The following P2RX5 variants were observed in gnomAD, a reference collection of about 807,000 sequenced individuals.
P2RX5 encodes the protein P2X purinoceptor 5.
A neutral mutation model predicts 54.1 loss-of-function variants in P2RX5; 46 were observed. The observed-to-expected ratio is 0.85, with a 90% CI of 0.67 to 1.09. The LOEUF (loss-of-function observed/expected upper bound fraction) is 1.09. Among genes scored for constraint, P2RX5 ranks in the 50% least tolerant of loss-of-function variants. The pLI, the probability that P2RX5 is intolerant of heterozygous loss-of-function variation, is 0.00. For missense variants in P2RX5, 566 were observed against 549.8 expected (o/e 1.03, Z -0.29); for synonymous variants, 226 against 226.4 (o/e 1.00, Z 0.02).
the P2RX5 span, among the ~76,000 whole-genome samples, chr17:3,702,522 A>G: frequency 0.17 from 25,608 of 152,106 alleles, 2,589 homozygotes; most frequent in Non-Finnish European, 0.23. Context: ...CCTCTTCACA[A>G]TAAATCTTGC....
At chr17:3,684,342 G>A (rs2050372210) in intron 9 of P2RX5, among the ~76,000 whole-genome samples, 1 of 152,260 alleles carries the variant, frequency 6.6e-6, no homozygotes, top group Non-Finnish European at 1.5e-5. Flanking sequence ...GGTGGCTCAC[G>A]CCCATAATCC....
At chr17:3,713,299 G>A in the P2RX5 span, among the ~76,000 whole-genome samples, 1 of 152,110 alleles carries the variant, frequency 6.6e-6, no homozygotes, top group African/African-American at 2.4e-5. Context: ...GTTCAAGGCT[G>A]CAGCAACCTA....
the P2RX5 span, among the ~76,000 whole-genome samples, chr17:3,705,740 GT>G: frequency 6.6e-6 from 1 of 152,120 alleles, no homozygotes; most frequent in Non-Finnish European, 1.5e-5. Flanking sequence ...TATACTTGAA[GT>G]GTCTGGGGTA....
Position 3,689,485 on chromosome 17 carries a change from C to A in P2RX5, c.753+7G>T, listed in dbSNP as rs1597265890. 9.3e-6 allele frequency: 15 copies of A among 1,613,968 alleles called. No individual in the cohort carries two copies. In the East Asian group the frequency reaches 3.3e-4, roughly 36 times the overall value. On this transcript the variant is annotated splice_region_variant and intron_variant, in intron 7 of 11. Transcript: ENST00000225328. ...CAGGGAGGGCTCCCTGCGTGCACCCCACCCACCTCCAGGGCTATATCCTGG... is the reference window on the plus strand; with the variant it reads ...CAGGGAGGGCTCCCTGCGTGCACCCAACCCACCTCCAGGGCTATATCCTGG...
Position 3,690,982 on chromosome 17 carries a change from T to TG in P2RX5, c.333dup (p.Asn112GlnfsTer9), listed in dbSNP as rs3215407. 1.2e-6 allele frequency: 2 copies of TG among 1,612,312 alleles called. No individual in the cohort carries two copies. Among genetic ancestry groups the TG allele is most frequent in the South Asian group, 2.2e-5 (2 of 90,930 alleles). On this transcript the variant is annotated frameshift_variant, in exon 3 of 12. Transcript: ENST00000225328. LOFTEE classifies it high-confidence loss of function. ...TCAGCACAGACGTTCTGCCGCTGGT[T>TG]GGGGGTCACAATCAGGTTGGTGACC...
chr17:3,717,698 C>G, the P2RX5 span: 1 of 152,228 alleles, frequency 6.6e-6, no homozygotes, highest in Non-Finnish European at 1.5e-5. Flanking sequence ...GACAAACTTA[C>G]CTTTAAGGCC....
intron 5 of P2RX5, 130 bp downstream of exon 5, chr17:3,690,297 G>A: frequency 8.9e-7 from 1 of 1,119,614 alleles, no homozygotes; most frequent in African/African-American, 1.5e-5. Context: ...AGGCCGTCGG[G>A]CCTCGCTGGG....
intron 9 of P2RX5, among the ~76,000 whole-genome samples, chr17:3,683,470 C>G (rs942944723): frequency 6.6e-6 from 1 of 152,256 alleles, no homozygotes; most frequent in Non-Finnish European, 1.5e-5. Context: ...CAGTGGCTCA[C>G]GCCTGTGATC....
chr17:3,695,589 C>T (rs1597277425), intron 1 of P2RX5, among the ~76,000 whole-genome samples: 1 of 152,280 alleles, frequency 6.6e-6, no homozygotes, highest in African/African-American at 2.4e-5. Flanking sequence ...CTGGGAGAAG[C>T]AGCTGCAGGG....
At chr17:3,679,442 C>G in intron 11 of P2RX5, 148 bp downstream of exon 11, 1 of 712,752 alleles carries the variant, frequency 1.4e-6, no homozygotes, top group South Asian at 1.7e-5. Flanking sequence ...CCCACAGAGG[C>G]TCTCCCAGTT....
At position 3,692,034 on chromosome 17, in the gene P2RX5, A is replaced by C. The variant is rs2050631186; in HGVS notation, c.138-240T>G. ...TAGAGATGGGGGCCCTGAAGAGGCAAAGACCAGCCGGGCGCAGTGGCTCAC... is the reference window on the plus strand; with the variant it reads ...TAGAGATGGGGGCCCTGAAGAGGCACAGACCAGCCGGGCGCAGTGGCTCAC... On this transcript the variant is annotated intron_variant, in intron 1 of 11. Coordinates refer to ENST00000225328, the MANE Select transcript of P2RX5 (RefSeq NM_002561.4). The C allele has an allele frequency of 7.2e-6, 4 of 555,240 alleles. No individual in the cohort carries two copies. In the East Asian group the frequency reaches 1.3e-4, roughly 17 times the overall value. 34.4% of individuals were successfully genotyped at this position (555,240 alleles called of 1,614,324 possible).
the P2RX5 span, among the ~76,000 whole-genome samples, chr17:3,708,738 G>C: frequency 6.6e-6 from 1 of 152,074 alleles, no homozygotes; most frequent in Non-Finnish European, 1.5e-5. Flanking sequence ...CAAAGATTAT[G>C]TTAGCCCAAG....
the P2RX5 span, chr17:3,716,669 T>C: frequency 1.4e-6 from 2 of 1,394,314 alleles, no homozygotes; most frequent in Non-Finnish European, 2.0e-6. Flanking sequence ...CTCACTGTGA[T>C]GCCATGAGTA....
chr17:3,713,374 TA>T, the P2RX5 span, among the ~76,000 whole-genome samples: 10 of 151,954 alleles, frequency 6.6e-5, no homozygotes, highest in Admixed American at 2.0e-4. Context: ...AATAAACAAA[TA>T]AAAATGCAGC....
chr17:3,720,423 T>A, the P2RX5 span: 1 of 1,089,130 alleles, frequency 9.2e-7, no homozygotes, highest in South Asian at 1.2e-5. Context: ...GGGAAAGGAA[T>A]GAGGGAAACA....
chr17:3,714,875 G>C, the P2RX5 span: 2 of 1,610,420 alleles, frequency 1.2e-6, no homozygotes, highest in Non-Finnish European at 1.7e-6. Context: ...CAGATTCTCT[G>C]ATTTCAGCTG....
chr17:3,698,428 G>A (rs1222084322), upstream of P2RX5, among the ~76,000 whole-genome samples: 2 of 152,272 alleles, frequency 1.3e-5, no homozygotes, highest in South Asian at 2.1e-4. Context: ...TTGTTCCAGG[G>A]CCTGTTTGTT....
chr17:3,675,075 C>T (rs1319563522), intron 11 of P2RX5, among the ~76,000 whole-genome samples: 2 of 152,162 alleles, frequency 1.3e-5, no homozygotes, highest in Admixed American at 6.5e-5. Flanking sequence ...AGTCTCGCTC[C>T]GTCGCCCAGG....
At chr17:3,702,252 T>C in the P2RX5 span, among the ~76,000 whole-genome samples, 1 of 61,114 alleles carries the variant, frequency 1.6e-5, no homozygotes, top group East Asian at 4.4e-4. Flanking sequence ...AGCTAAAGGA[T>C]TGTAGACACA....
Sources: allele counts gnomAD v4.1 joint callset (sites outside exome capture counted in the v4.1 genomes callset), GRCh38; gene constraint gnomAD v4.1.1; transcripts MANE v1.5; gene names NCBI Gene and HGNC (gene_info 2026-07-23, HGNC 2026-07-21).